ETV5: variants seen among roughly 807,000 people sequenced by gnomAD.
The protein encoded by ETV5 is ETS translocation variant 5.
In ETV5, 10 loss-of-function variants were observed where a neutral mutation model predicts 70.0. The observed-to-expected ratio is 0.14, with a 90% CI of 0.09 to 0.24. The LOEUF (loss-of-function observed/expected upper bound fraction) is 0.24. ETV5 is among the 10% of genes least tolerant of loss of function. The pLI, the probability that ETV5 is intolerant of heterozygous loss-of-function variation, is 1.00. For synonymous variants in ETV5, 216 were observed against 242.2 expected (o/e 0.89, Z 1.01); for missense variants, 453 against 651.2 (o/e 0.70, Z 3.31).
intron 5 of ETV5, among the ~76,000 whole-genome samples, chr3:186,088,452 C>A (rs1210529036): frequency 6.6e-6 from 1 of 152,204 alleles, no homozygotes; most frequent in African/African-American, 2.4e-5. Context: ...AGTCTCCTGG[C>A]CACCAGCTTT....
chr3:186,087,412 T>C (rs1714084300), intron 5 of ETV5, among the ~76,000 whole-genome samples: 1 of 152,232 alleles, frequency 6.6e-6, no homozygotes, highest in South Asian at 2.1e-4. Context: ...CTGATCTAAA[T>C]GCTTATACCG....
intron 1 of ETV5, among the ~76,000 whole-genome samples, chr3:186,106,710 A>G (rs116081039): frequency 0.013 from 2,004 of 152,264 alleles, 53 homozygotes; most frequent in African/African-American, 0.046. Flanking sequence ...TGTTTCATAT[A>G]GCGGAATCAT....
In ETV5 at chr3:186,091,139, ACAGCTG is replaced by A. The variant is rs368491784; in HGVS notation, c.233-9970_233-9965del. Among the ~76,000 whole-genome samples the A allele has an allele frequency of 3.4e-3, 515 of 152,326 alleles. 4 individuals carry two copies. The highest frequency in any genetic ancestry group is 4.3e-3 in the Non-Finnish European group (292 of 68,028). ...TTCAGGGCAGGCTCATTCTGCAAGA[ACAGCTG>A]CATTTGTCCTGGGCAAAGTCCCACA... is the stretch of plus-strand genomic sequence containing the variant. On this transcript the variant is annotated intron_variant, in intron 5 of 12. Coordinates refer to ENST00000306376, the MANE Select transcript of ETV5 (RefSeq NM_004454.3).
rs1712913973 is a variant in ETV5 at position 186,047,713 on chromosome 3, T to C, written c.*926A>G. The C allele has an allele frequency of 8.6e-6, 2 of 233,390 alleles. No homozygotes were observed. The highest frequency in any genetic ancestry group is 1.7e-5 in the Non-Finnish European group (2 of 117,942). 14.5% of individuals were successfully genotyped at this position (233,390 alleles called of 1,614,324 possible). ...AGGGGAAGCCTCAGCAAAGCCCCTC[T>C]CAAGCTGCAGTGTCTTCATAAGTTG... On this transcript the variant is annotated 3_prime_UTR_variant, in exon 13 of 13. Coordinates refer to ENST00000306376, the MANE Select transcript of ETV5 (RefSeq NM_004454.3).
At chr3:186,104,231 C>T (rs1336069935) in intron 5 of ETV5, among the ~76,000 whole-genome samples, 1 of 152,176 alleles carries the variant, frequency 6.6e-6, no homozygotes, top group Admixed American at 6.5e-5. Context: ...ATTTCATCAG[C>T]CGGCTTTGTC....
intron 5 of ETV5, among the ~76,000 whole-genome samples, chr3:186,085,164 C>G (rs748351038): frequency 2.0e-5 from 3 of 152,024 alleles, no homozygotes; most frequent in African/African-American, 7.3e-5. Context: ...CACAGCTGGT[C>G]AGTGGCCAGG....
Position 186,057,615 on chromosome 3 carries a change from A to G in ETV5, c.971-124T>C. ...GATCCTAAGTCCTACTGCTGTATCT[A>G]TGGCAGACTGAATTTTCAGGGACTT... is the stretch of plus-strand genomic sequence containing the variant. On this transcript the variant is annotated intron_variant, in intron 9 of 12. Coordinates refer to ENST00000306376, the MANE Select transcript of ETV5 (RefSeq NM_004454.3). This position sits in a 1 kb window ranked among gnomAD's most constrained non-coding sequence, Gnocchi z 4.9. 3 of 819,752 alleles carry G rather than the reference A, an allele frequency of 3.7e-6. No homozygotes were observed. The highest frequency in any genetic ancestry group is 2.5e-5 in the East Asian group (1 of 40,010). The allele number at this position is 819,752 out of a possible 1,614,324, so 50.8% of individuals were successfully genotyped here. A position where few individuals can be genotyped will look rare whatever the true frequency, so the allele number is the denominator to read the frequency against.
intron 5 of ETV5, among the ~76,000 whole-genome samples, chr3:186,086,070 G>C (rs561554291): frequency 6.6e-6 from 1 of 152,164 alleles, no homozygotes; most frequent in Non-Finnish European, 1.5e-5. Context: ...CACTGAGGCA[G>C]GAAGATCTTG....
chr3:186,083,188 GCC>G (rs1713972952), intron 5 of ETV5, among the ~76,000 whole-genome samples: 1 of 152,196 alleles, frequency 6.6e-6, no homozygotes, highest in African/African-American at 2.4e-5. Flanking sequence ...TCTCAGCACT[GCC>G]CCGTGGTCAC....
intron 1 of ETV5, among the ~76,000 whole-genome samples, chr3:186,107,589 TC>T (rs1327976730): frequency 2.6e-5 from 4 of 152,158 alleles, no homozygotes; most frequent in African/African-American, 7.2e-5. Context: ...AAAATTGTAT[TC>T]CAAGTATAAT....
chr3:186,107,756 C>G (rs969840556), intron 1 of ETV5, among the ~76,000 whole-genome samples: 2 of 152,010 alleles, frequency 1.3e-5, no homozygotes, highest in Non-Finnish European at 2.9e-5. Flanking sequence ...GCAGCGGGCC[C>G]GGTTTTATGA....
chr3:186,080,195 T>G, intron 6 of ETV5, 91 bp from the exon 7 acceptor site: 2 of 1,095,904 alleles, frequency 1.8e-6, no homozygotes, highest in Non-Finnish European at 2.5e-6. Flanking sequence ...TTGCAGCCCA[T>G]TGTTGCCAGG....
chr3:186,055,684 C>A (rs539897926), intron 11 of ETV5, among the ~76,000 whole-genome samples: 10 of 152,188 alleles, frequency 6.6e-5, no homozygotes, highest in Non-Finnish European at 5.9e-5. Flanking sequence ...AATTTCTAAT[C>A]CACACATTCT....
At chr3:186,100,010 TGGCTC>T (rs1449516343) in intron 5 of ETV5, among the ~76,000 whole-genome samples, 3 of 152,220 alleles carry the variant, frequency 2.0e-5, no homozygotes, top group African/African-American at 7.2e-5. Context: ...GTAAAACAGA[TGGCTC>T]CTTTAAGTAA....
rs1298797383 is a variant in ETV5 at position 186,057,162 on chromosome 3, C to A, written c.1122G>T (p.Leu374=). 6.2e-7 allele frequency: 1 copy of A among 1,614,046 alleles called. No homozygotes were observed. The highest frequency in any genetic ancestry group is 1.1e-5 in the South Asian group (1 of 91,078). Residue 374 remains leucine (L), a synonymous_variant, in exon 11 of 13, where the codon CTG becomes CTT. Coordinates refer to ENST00000306376, the MANE Select transcript of ETV5 (RefSeq NM_004454.3). The surrounding 1 kb of genome is among the most constrained non-coding windows in gnomAD (Gnocchi z 4.9). ...TGGCTGGGTCATCAAGAAGGGTGAC[C>A]AGGAACTGCCACAGCTGAAGGGAAC... is the stretch of plus-strand genomic sequence containing the variant. The part of the protein sequence containing the change: ...RRGSLQLWQF[L]VTLLDDPANA...
chr3:186,074,360 C>A (rs1269194289), intron 7 of ETV5, among the ~76,000 whole-genome samples: 1 of 152,068 alleles, frequency 6.6e-6, no homozygotes, highest in Non-Finnish European at 1.5e-5. Context: ...AAATGCCAGG[C>A]CCAAATGGTT....
rs754766014 is a variant in ETV5 at position 186,065,783 on chromosome 3, A to G, written c.910+30T>C. The G allele has an allele frequency of 2.3e-5, 37 of 1,613,368 alleles. 2 individuals are homozygous for G. In the South Asian group the frequency reaches 4.1e-4, roughly 18 times the overall value. ...AACGAGACAGAAGAATGCAAGAATG[A>G]AGCAAAGAATAGCACAATTTGATGC... On this transcript the variant is annotated intron_variant, in intron 8 of 12. Transcript: ENST00000306376.
At chr3:186,082,523 C>T (rs1413703743) in intron 5 of ETV5, among the ~76,000 whole-genome samples, 2 of 150,908 alleles carry the variant, frequency 1.3e-5, no homozygotes, top group Admixed American at 6.6e-5. Flanking sequence ...TGGGTTCAAA[C>T]GATTCTCCTG....
chr3:186,051,591 T>C (rs1713033787), intron 12 of ETV5, among the ~76,000 whole-genome samples: 2 of 152,234 alleles, frequency 1.3e-5, no homozygotes, highest in Non-Finnish European at 2.9e-5. Context: ...GATGCTCTTA[T>C]TCCTCTAACA....
Sources: allele counts gnomAD v4.1 joint callset (sites outside exome capture counted in the v4.1 genomes callset), GRCh38; gene constraint gnomAD v4.1.1; non-coding constraint Gnocchi (gnomAD v3.1); transcripts MANE v1.5; gene names NCBI Gene and HGNC (gene_info 2026-07-23, HGNC 2026-07-21).